The following EIF3L variants were observed in gnomAD, a reference collection of about 807,000 sequenced individuals.
EIF3L encodes eIEF associated protein HSPC021.
In EIF3L, 32 loss-of-function variants were observed where a neutral mutation model predicts 74.6. The ratio of observed to expected loss-of-function variants is 0.43; its 90% CI spans 0.32 to 0.58. The LOEUF is 0.58. Ranked by LOEUF, EIF3L falls within the 20% of genes least tolerant of loss-of-function variation. The pLI is 0.06. For synonymous variants in EIF3L, 256 were observed against 254.4 expected (o/e 1.01, Z -0.06); for missense variants, 474 against 707.8 (o/e 0.67, Z 3.75).
intron 9 of EIF3L, among the ~76,000 whole-genome samples, chr22:37,875,594 T>C (rs1311355157): frequency 6.6e-6 from 1 of 152,200 alleles, no homozygotes; most frequent in African/African-American, 2.4e-5. Flanking sequence ...TGTATAGCAT[T>C]TTAGAGCTGA....
chr22:37,877,638 C>G (rs778831247), intron 10 of EIF3L, 36 bp from the exon 11 acceptor site: 1 of 1,553,302 alleles, frequency 6.4e-7, no homozygotes, highest in Admixed American at 1.9e-5. Flanking sequence ...AAGTCCGTCT[C>G]ATTTGACCCA....
intron 7 of EIF3L, among the ~76,000 whole-genome samples, chr22:37,867,456 C>T (rs191062323): frequency 1.6e-4 from 24 of 151,788 alleles, no homozygotes; most frequent in East Asian, 9.7e-4. Flanking sequence ...GCCAGGAGTT[C>T]GAGACCAGCC....
chr22:37,856,535 G>T (rs1490533965), intron 4 of EIF3L, among the ~76,000 whole-genome samples: 1 of 152,102 alleles, frequency 6.6e-6, no homozygotes, highest in African/African-American at 2.4e-5. Context: ...CTATATTTTT[G>T]TAGTAAGTTT....
chr22:37,849,446 A>T lies in EIF3L; in HGVS notation c.-4A>T, dbSNP rs769521158. 6.2e-7 allele frequency: 1 copy of T among 1,613,548 alleles called. No individual in the cohort carries two copies. Among genetic ancestry groups the T allele is most frequent in the African/African-American group, 1.3e-5 (1 of 74,918 alleles). On this transcript the variant is annotated 5_prime_UTR_variant, in exon 1 of 13. Transcript: ENST00000652021. ...TTCCGGCGGTGCTCGCAAGCGAGGC[A>T]GCCATGTCTTATCCCGCTGATGATT...
At position 37,878,120 on chromosome 22, in the gene EIF3L, C is replaced by A; in HGVS notation, c.1524C>A (p.Ala508=). The change falls in exon 11 of 13, where the codon GCC becomes GCA. Residue 508 remains alanine (A), a synonymous_variant. Transcript: ENST00000652021. Reference sequence around the variant, plus strand: ...TCGTGTGGACCAGCGGTATCTCAGCCCTGGATGGTGAATTTCAGTCAGCCT... The same window carrying A: ...TCGTGTGGACCAGCGGTATCTCAGCACTGGATGGTGAATTTCAGTCAGCCT... ...KNLVWTSGIS[A]LDGEFQSASE... The A allele has an allele frequency of 6.2e-7, 1 of 1,613,734 alleles. No homozygotes were observed. Among genetic ancestry groups the A allele is most frequent in the Non-Finnish European group, 8.5e-7 (1 of 1,179,816 alleles).
At chr22:37,849,743 C>T (rs999872103) in intron 1 of EIF3L, 1 of 602,510 alleles carries the variant, frequency 1.7e-6, no homozygotes, top group Non-Finnish European at 2.9e-6. Flanking sequence ...GTTTCTGCAC[C>T]TGAGTTTTTT....
At chr22:37,851,139 A>C in intron 2 of EIF3L, 141 bp from the exon 3 acceptor site, 1 of 633,002 alleles carries the variant, frequency 1.6e-6, no homozygotes, top group Non-Finnish European at 2.8e-6. Context: ...ATTGGGAGTG[A>C]CTTGAGATGT....
chr22:37,849,955 G>T (rs1925085434), intron 1 of EIF3L, 60 bp from the exon 2 acceptor site: 8 of 1,591,246 alleles, frequency 5.0e-6, no homozygotes, highest in Non-Finnish European at 6.9e-6. Flanking sequence ...TAGACTCTAG[G>T]ATGAGCGTTT....
intron 9 of EIF3L, among the ~76,000 whole-genome samples, chr22:37,874,944 C>T (rs1436263047): frequency 9.6e-5 from 14 of 146,364 alleles, no homozygotes; most frequent in Non-Finnish European, 1.5e-4. Context: ...GGGGTTTCAC[C>T]GTGTTGGCCA....
chr22:37,868,110 ATTTTTT>A (rs545183532), intron 7 of EIF3L, among the ~76,000 whole-genome samples: 1 of 92,686 alleles, frequency 1.1e-5, no homozygotes, highest in African/African-American at 4.5e-5. Flanking sequence ...TCTTTGTAGG[ATTTTTT>A]TTTTTTTTTT....
chr22:37,863,442 AT>A lies in EIF3L; in HGVS notation c.579+98del, dbSNP rs2145813880. 2.9e-6 allele frequency: 3 copies of A among 1,028,922 alleles called. No individual in the cohort carries two copies. The East Asian group carries it at 7.2e-5, about 25-fold the overall frequency. The allele number at this position is 1,028,922 out of a possible 1,614,324, so 63.7% of individuals were successfully genotyped here. The stretch of plus-strand genomic sequence containing the variant: ...TAAAAAAGCTGCAGGGTGTAAAAAT[AT>A]CCCCATTGTAGTGTAAAATACCCCA... On this transcript the variant is annotated intron_variant, in intron 7 of 12. Transcript: ENST00000652021.
rs200305904 is a variant in EIF3L, at chr22:37,863,960, T to G, written c.579+615T>G. Among the ~76,000 whole-genome samples the G allele has an allele frequency of 7.9e-5, 12 of 151,764 alleles. No homozygotes were observed. The South Asian group carries it at 2.5e-3, about 32-fold the overall frequency. Reference sequence around the variant, plus strand: ...GGCGCCTGTAGTCCCAGCTACTCAGTAGGCTGAGGCAGGAGAATGGCGTGA... The same window carrying G: ...GGCGCCTGTAGTCCCAGCTACTCAGGAGGCTGAGGCAGGAGAATGGCGTGA... On this transcript the variant is annotated intron_variant, in intron 7 of 12. Transcript: ENST00000652021.
At position 37,888,409 on chromosome 22, in the gene EIF3L, T is replaced by G. The variant is rs1927430887; in HGVS notation, c.1657-17T>G. 1 of 1,613,856 alleles carries G rather than the reference T, an allele frequency of 6.2e-7. No individual in the cohort carries two copies. The highest frequency in any genetic ancestry group is 1.3e-5 in the African/African-American group (1 of 74,922). The stretch of plus-strand genomic sequence containing the variant: ...GGGAAATCCCCGTATGTAACTTTGC[T>G]TTTCTTTCTCTTCTAGCTTAATCGA... On this transcript the variant is annotated splice_polypyrimidine_tract_variant and intron_variant, in intron 12 of 12. Transcript: ENST00000652021.
intron 4 of EIF3L, among the ~76,000 whole-genome samples, chr22:37,857,952 T>G (rs2145804698): frequency 6.6e-6 from 1 of 152,228 alleles, no homozygotes; most frequent in South Asian, 2.1e-4. Context: ...GGAGGATTTC[T>G]TGAGGCTGGG....
Position 37,850,953 on chromosome 22 carries a change from A to G in EIF3L, c.83-327A>G, listed in dbSNP as rs1925174895. The stretch of plus-strand genomic sequence containing the variant: ...AGTACCTGTTACCACTTACTTTCCA[A>G]CAGTCTTGCCTCTCTCCCCTCCAAC... On this transcript the variant is annotated intron_variant, in intron 2 of 12. Coordinates refer to ENST00000652021, the MANE Select transcript of EIF3L (RefSeq NM_016091.4). Among the ~76,000 whole-genome samples, 3 of 152,172 alleles carry G rather than the reference A, an allele frequency of 2.0e-5. No homozygotes were observed. In the South Asian group the frequency reaches 6.2e-4, roughly 32 times the overall value.
intron 7 of EIF3L, among the ~76,000 whole-genome samples, chr22:37,866,023 C>T (rs1466540057): frequency 6.6e-6 from 1 of 152,272 alleles, no homozygotes; most frequent in East Asian, 1.9e-4. Flanking sequence ...CTCTTCCTCG[C>T]CACCCTGTTT....
Position 37,851,412 on chromosome 22 carries a change from A to G in EIF3L, c.215A>G (p.Tyr72Cys). The G allele has an allele frequency of 7.4e-6, 12 of 1,614,044 alleles. No individual in the cohort carries two copies. Among genetic ancestry groups the G allele is most frequent in the Non-Finnish European group, 1.0e-5 (12 of 1,179,988 alleles). Residue 72 changes from tyrosine to cysteine, a missense_variant, in exon 3 of 13, where the codon TAT (tyrosine) becomes TGT (cysteine). This residue lies in a region of EIF3L where 141 missense variants were observed against 197.7 expected (regional missense o/e 0.71). Transcript: ENST00000652021. ...TVSDLIDQKV[Y>C]ELQASRVSSD... The stretch of plus-strand genomic sequence containing the variant: ...TCAGATTTGATTGACCAGAAAGTGT[A>G]TGAGCTACAGGCCAGTCGTGTCTCC...
intron 8 of EIF3L, among the ~76,000 whole-genome samples, chr22:37,871,442 GTT>G (rs1926463453): frequency 6.6e-6 from 1 of 152,174 alleles, no homozygotes; most frequent in Non-Finnish European, 1.5e-5. Context: ...CATATGAGCA[GTT>G]GCAGTCAGAA....
At chr22:37,871,248 G>A (rs1048937053) in intron 8 of EIF3L, 1 of 152,222 alleles carries the variant, frequency 6.6e-6, no homozygotes, top group Non-Finnish European at 1.5e-5. Context: ...GGCTCAAGCA[G>A]TCCTGCCTTG....
Sources: gnomAD v4.1 joint callset for allele counts (sites outside exome capture counted in the v4.1 genomes callset) on GRCh38, gnomAD v4.1.1 for gene constraint, gnomAD v4.1.1 regional missense constraint, MANE v1.5 for transcripts, NCBI Gene and HGNC (gene_info 2026-07-23, HGNC 2026-07-21) for gene names.